Variants in PACRG observed in about 807,000 individuals in gnomAD.
PACRG encodes parkin coregulated, also known as parkin coregulated gene protein.
Under a neutral mutation model 29.7 loss-of-function variants are expected in PACRG, and 29 were observed. The ratio of observed to expected loss-of-function variants is 0.98; its 90% CI spans 0.73 to 1.33. The LOEUF is 1.33. Among genes scored for constraint, PACRG ranks in the 40% most tolerant of loss-of-function variants. PACRG has a pLI of 0.00. For synonymous variants in PACRG, 116 were observed against 118.7 expected, an observed-to-expected ratio of 0.98 and a Z score of 0.15; for missense variants, 279 against 316.2, an observed-to-expected ratio of 0.88 and a Z score of 0.89.
intron 4 of PACRG, among the ~76,000 whole-genome samples, chr6:163,290,278 GCACACACACACA>G (rs3064946): frequency 0.01 from 1,178 of 114,564 alleles, 6 homozygotes; most frequent in East Asian, 0.018. Flanking sequence ...GCGCGCGCGC[GCACACACACACA>G]CACACACACA....
rs1456596731 is a variant in PACRG, at chr6:163,274,185, T to C, written c.614-40642T>C. The stretch of plus-strand genomic sequence containing the variant: ...CCTAATGCTATCCCTCCCCGCTCCC[T>C]CCACCCCCCAACAGGCCCTGGTGTG... On this transcript the variant is annotated intron_variant, in intron 4 of 4. Transcript: ENST00000366888. Among the ~76,000 whole-genome samples the C allele has an allele frequency of 2.6e-5, 4 of 152,132 alleles. No individual in the cohort carries two copies. In the East Asian group the frequency reaches 7.7e-4, roughly 29 times the overall value.
chr6:163,043,727 A>G (rs1316476976), intron 2 of PACRG, among the ~76,000 whole-genome samples: 1 of 152,216 alleles, frequency 6.6e-6, no homozygotes, highest in East Asian at 1.9e-4. Flanking sequence ...AACATGGAGA[A>G]TAACACGAGG....
chr6:163,227,395 A>G (rs1303113655), intron 4 of PACRG, among the ~76,000 whole-genome samples: 3 of 152,328 alleles, frequency 2.0e-5, no homozygotes, highest in East Asian at 1.9e-4. Context: ...CACACCTCCC[A>G]CCAGGCCTCG....
At chr6:162,789,018 GA>G (rs1461366454) in intron 1 of PACRG, among the ~76,000 whole-genome samples, 1 of 152,146 alleles carries the variant, frequency 6.6e-6, no homozygotes, top group African/African-American at 2.4e-5. Flanking sequence ...CCACAGCCAT[GA>G]AAATAATAAA....
intron 2 of PACRG, among the ~76,000 whole-genome samples, chr6:163,011,821 A>G (rs2128211461): frequency 6.6e-6 from 1 of 152,196 alleles, no homozygotes; most frequent in African/African-American, 2.4e-5. Flanking sequence ...TACTTTTTAA[A>G]CTTTGTTGCT....
chr6:163,215,768 G>A (rs59168120), intron 4 of PACRG, among the ~76,000 whole-genome samples: 44,048 of 152,092 alleles, frequency 0.29, 7,185 homozygotes, highest in East Asian at 0.6. Flanking sequence ...GTAGGAAGAG[G>A]AAAAGGCTTG....
intron 2 of PACRG, among the ~76,000 whole-genome samples, chr6:163,019,886 C>T (rs755437994): frequency 8.5e-5 from 13 of 152,196 alleles, no homozygotes; most frequent in Non-Finnish European, 1.3e-4. Context: ...TAGAAACAGA[C>T]TCCCAGGCTA....
At position 163,267,909 on chromosome 6, in the gene PACRG, AC is replaced by A. The variant is rs532916253; in HGVS notation, c.614-46915del. On this transcript the variant is annotated intron_variant, in intron 4 of 4. Coordinates refer to ENST00000366888, the MANE Select transcript of PACRG (RefSeq NM_001080379.2). ...GATCTGAGAAATAAAACAAAGTAAC[AC>A]CCAAATGAGTTACTTTTAATTCTGA... Among the ~76,000 whole-genome samples the A allele has an allele frequency of 4.0e-4, 61 of 152,336 alleles. 2 individuals carry two copies. The South Asian group carries it at 0.012, about 29-fold the overall frequency.
At chr6:163,121,682 T>TTG in intron 4 of PACRG, among the ~76,000 whole-genome samples, 1 of 150,810 alleles carries the variant, frequency 6.6e-6, no homozygotes, top group East Asian at 1.9e-4. Flanking sequence ...TTTTTTTTTT[T>TTG]TGAGACAGAG....
chr6:163,273,095 G>A lies in PACRG; in HGVS notation c.614-41732G>A, dbSNP rs369148051. Among the ~76,000 whole-genome samples, 16 of 146,340 alleles carry A rather than the reference G, an allele frequency of 1.1e-4. 1 individual carries two copies. The highest frequency in any genetic ancestry group is 3.3e-4 in the African/African-American group (12 of 36,542). ...TTTTTAGTAGAGACGGGGTTTCACC[G>A]TTTTAGCCGGGATGGTCTCGATCTC... is the stretch of plus-strand genomic sequence containing the variant. On this transcript the variant is annotated intron_variant, in intron 4 of 4. Transcript: ENST00000366888.
intron 1 of PACRG, among the ~76,000 whole-genome samples, chr6:162,753,229 G>A (rs1386220811): frequency 1.3e-5 from 2 of 151,798 alleles, no homozygotes; most frequent in African/African-American, 2.4e-5. Context: ...TGCACCCTTC[G>A]ATCAACAACT....
At position 162,935,364 on chromosome 6, in the gene PACRG, G is replaced by A. The variant is rs1035006124; in HGVS notation, c.291+121083G>A. Among the ~76,000 whole-genome samples, 23 of 150,178 alleles carry A rather than the reference G, an allele frequency of 1.5e-4. 1 individual carries two copies. The highest frequency in any genetic ancestry group is 8.4e-4 in the South Asian group (4 of 4,764). On this transcript the variant is annotated intron_variant, in intron 2 of 4. Coordinates refer to ENST00000366888, the MANE Select transcript of PACRG (RefSeq NM_001080379.2). The stretch of plus-strand genomic sequence containing the variant: ...GTGGTGTAGTGATGTCCCATGTGTC[G>A]GATAGGCTCTCTTCATTCTGTTTTA...
chr6:162,856,478 G>T (rs1442194857), intron 2 of PACRG, among the ~76,000 whole-genome samples: 1 of 152,136 alleles, frequency 6.6e-6, no homozygotes, highest in Non-Finnish European at 1.5e-5. Flanking sequence ...CATGATGAAG[G>T]TCCAAGCCCA....
chr6:163,229,720 G>T (rs1781950096), intron 4 of PACRG, among the ~76,000 whole-genome samples: 2 of 152,204 alleles, frequency 1.3e-5, no homozygotes, highest in African/African-American at 4.8e-5. Context: ...CCTCTGGGAA[G>T]AAATTTGGGA....
intron 2 of PACRG, among the ~76,000 whole-genome samples, chr6:162,967,007 A>T (rs1322035418): frequency 6.6e-6 from 1 of 152,220 alleles, no homozygotes; most frequent in Non-Finnish European, 1.5e-5. Context: ...AGGGCAACTT[A>T]CACCTAGCCT....
At chr6:162,915,535 A>G (rs1333716450) in intron 2 of PACRG, among the ~76,000 whole-genome samples, 3 of 152,020 alleles carry the variant, frequency 2.0e-5, no homozygotes, top group African/African-American at 4.8e-5. Context: ...ATATTTTTAT[A>G]TAGTTGGATT....
chr6:163,144,595 C>T (rs779396470), intron 4 of PACRG, among the ~76,000 whole-genome samples: 2 of 152,044 alleles, frequency 1.3e-5, no homozygotes, highest in Non-Finnish European at 2.9e-5. Flanking sequence ...ATGGTGAAAC[C>T]CCATCTCTAC....
At chr6:163,131,525 C>T (rs1326958896) in intron 4 of PACRG, among the ~76,000 whole-genome samples, 1 of 152,032 alleles carries the variant, frequency 6.6e-6, no homozygotes, top group Non-Finnish European at 1.5e-5. Context: ...CTCTTAAAGC[C>T]GTCAGAAAGG....
chr6:163,104,068 C>G (rs1815248910), intron 4 of PACRG, among the ~76,000 whole-genome samples: 1 of 152,168 alleles, frequency 6.6e-6, no homozygotes, highest in South Asian at 2.1e-4. Context: ...TTTCATTGAT[C>G]CGATTTAACA....
Sources: gnomAD v4.1 joint callset for allele counts (sites outside exome capture counted in the v4.1 genomes callset) on GRCh38, gnomAD v4.1.1 for gene constraint, MANE v1.5 for transcripts, NCBI Gene and HGNC (gene_info 2026-07-23, HGNC 2026-07-21) for gene names.